REDIC1: variants seen among roughly 807,000 people sequenced by gnomAD.
The protein encoded by REDIC1 is HEI10 Interacting Protein 1.
the REDIC1 span, among the ~76,000 whole-genome samples, chr12:39,789,264 A>G: frequency 6.6e-6 from 1 of 151,834 alleles, no homozygotes; most frequent in Non-Finnish European, 1.5e-5. Flanking sequence ...CTAAAAATAC[A>G]TATCACTTGG....
chr12:39,638,496 G>GT, the REDIC1 span, among the ~76,000 whole-genome samples: 1 of 152,030 alleles, frequency 6.6e-6, no homozygotes, highest in Non-Finnish European at 1.5e-5. Context: ...CAGCAGATCT[G>GT]TTTGGCTATC....
chr12:39,638,839 G>A, the REDIC1 span, among the ~76,000 whole-genome samples: 3 of 151,926 alleles, frequency 2.0e-5, no homozygotes, highest in South Asian at 2.1e-4. Context: ...ATAGGGATGG[G>A]CATTAAGTAG....
At chr12:39,740,886 A>G in the REDIC1 span, among the ~76,000 whole-genome samples, 3 of 152,222 alleles carry the variant, frequency 2.0e-5, no homozygotes, top group Non-Finnish European at 2.9e-5. Flanking sequence ...TGTAAAAGGA[A>G]ACCTGATTTA....
chr12:39,760,651 G>A, the REDIC1 span, among the ~76,000 whole-genome samples: 1 of 151,834 alleles, frequency 6.6e-6, no homozygotes, highest in Non-Finnish European at 1.5e-5. Context: ...TACACTAGAG[G>A]CACTTTGAGG....
chr12:39,743,572 C>G, the REDIC1 span, among the ~76,000 whole-genome samples: 2 of 152,046 alleles, frequency 1.3e-5, no homozygotes, highest in South Asian at 4.2e-4. Flanking sequence ...ATTTGAAACA[C>G]TAGAAAGGCT....
chr12:39,744,192 A>G, the REDIC1 span, among the ~76,000 whole-genome samples: 2 of 152,246 alleles, frequency 1.3e-5, no homozygotes, highest in African/African-American at 2.4e-5. Flanking sequence ...GAAATACTTA[A>G]ATAAAATCCA....
chr12:39,838,658 A>C, the REDIC1 span, among the ~76,000 whole-genome samples: 1 of 152,114 alleles, frequency 6.6e-6, no homozygotes, highest in Non-Finnish European at 1.5e-5. Flanking sequence ...TTAGTGTCTA[A>C]GGAAGAGAAA....
the REDIC1 span, chr12:39,683,140 G>T: frequency 2.5e-6 from 4 of 1,588,818 alleles, no homozygotes; most frequent in Admixed American, 1.8e-5. Context: ...TGAAAGAAAA[G>T]GTTGGTATTG....
chr12:39,704,262 G>A, the REDIC1 span, among the ~76,000 whole-genome samples: 1 of 152,014 alleles, frequency 6.6e-6, no homozygotes, highest in Non-Finnish European at 1.5e-5. Flanking sequence ...GTGGGCAAAG[G>A]ATATGAACAG....
the REDIC1 span, among the ~76,000 whole-genome samples, chr12:39,869,889 G>A: frequency 1.3e-5 from 2 of 152,214 alleles, no homozygotes; most frequent in African/African-American, 4.8e-5. Context: ...GTGTCAGGTA[G>A]TATTTGAAAT....
the REDIC1 span, among the ~76,000 whole-genome samples, chr12:39,686,515 A>G: frequency 6.8e-4 from 103 of 152,220 alleles, 2 homozygotes; most frequent in Non-Finnish European, 7.2e-4. Context: ...GAGGCTGCAC[A>G]GAGCAGCAGG....
At chr12:39,627,255 G>T in the REDIC1 span, among the ~76,000 whole-genome samples, 1 of 152,158 alleles carries the variant, frequency 6.6e-6, no homozygotes, top group Non-Finnish European at 1.5e-5. Context: ...TGCTAGCATT[G>T]TATTTTAGAA....
At chr12:39,852,977 CTT>C in the REDIC1 span, among the ~76,000 whole-genome samples, 3 of 152,166 alleles carry the variant, frequency 2.0e-5, no homozygotes, top group Non-Finnish European at 4.4e-5. Flanking sequence ...AACCAATGCT[CTT>C]GAGTCGCTTG....
chr12:39,699,083 A>G, the REDIC1 span, among the ~76,000 whole-genome samples: 1 of 152,250 alleles, frequency 6.6e-6, no homozygotes, highest in Admixed American at 6.5e-5. Context: ...AAATTGACAA[A>G]CATTTATCTA....
chr12:39,656,426 G>C, the REDIC1 span, among the ~76,000 whole-genome samples: 1 of 152,020 alleles, frequency 6.6e-6, no homozygotes, highest in African/African-American at 2.4e-5. Context: ...TGTGATGCTA[G>C]TATTAACAAA....
the REDIC1 span, among the ~76,000 whole-genome samples, chr12:39,889,747 G>A: frequency 6.6e-6 from 1 of 151,952 alleles, no homozygotes; most frequent in African/African-American, 2.4e-5. Context: ...GGCCAGGATG[G>A]TCTTGATTTC....
the REDIC1 span, among the ~76,000 whole-genome samples, chr12:39,880,996 T>C: frequency 2.6e-5 from 4 of 152,366 alleles, no homozygotes; most frequent in Middle Eastern, 3.4e-3. Context: ...TTGAATTGTA[T>C]GTATAACAGG....
At chr12:39,731,278 C>T in the REDIC1 span, among the ~76,000 whole-genome samples, 1 of 152,164 alleles carries the variant, frequency 6.6e-6, no homozygotes, top group Non-Finnish European at 1.5e-5. Flanking sequence ...GGTTTTTCCT[C>T]ATCTTTGTGG....
the REDIC1 span, among the ~76,000 whole-genome samples, chr12:39,777,937 G>T: frequency 2.0e-5 from 3 of 152,212 alleles, no homozygotes; most frequent in Non-Finnish European, 4.4e-5. Flanking sequence ...TAAGGCAGGG[G>T]TCTAATTGAG....
Sources: gnomAD v4.1 joint callset for allele counts (sites outside exome capture counted in the v4.1 genomes callset) on GRCh38, gnomAD v4.1.1 for gene constraint, MANE v1.5 for transcripts, NCBI Gene and HGNC (gene_info 2026-07-23, HGNC 2026-07-21) for gene names.